The following SPMIP2 variants were observed in gnomAD, a reference collection of about 807,000 sequenced individuals.
The protein encoded by SPMIP2 is protein SPMIP2.
chr4:159,025,186 C>T, the SPMIP2 span, among the ~76,000 whole-genome samples: 2 of 152,138 alleles, frequency 1.3e-5, no homozygotes, highest in African/African-American at 4.8e-5. Flanking sequence ...CTCAAGCCCA[C>T]CCCAGTCTTG....
At chr4:159,069,777 T>C in the SPMIP2 span, among the ~76,000 whole-genome samples, 1 of 152,120 alleles carries the variant, frequency 6.6e-6, no homozygotes, top group Non-Finnish European at 1.5e-5. Context: ...TTTTTATTCC[T>C]AATGAAGCAA....
chr4:159,018,368 G>C, the SPMIP2 span, among the ~76,000 whole-genome samples: 4 of 152,262 alleles, frequency 2.6e-5, no homozygotes, highest in East Asian at 7.7e-4. Context: ...AACTATGTAG[G>C]GAAGGGAATC....
At chr4:158,898,042 A>C in the SPMIP2 span, among the ~76,000 whole-genome samples, 4 of 152,180 alleles carry the variant, frequency 2.6e-5, no homozygotes, top group Non-Finnish European at 5.9e-5. Flanking sequence ...TTCCAGTTTC[A>C]GTTTTCTGCA....
chr4:158,980,068 C>A, the SPMIP2 span, among the ~76,000 whole-genome samples: 1 of 152,266 alleles, frequency 6.6e-6, no homozygotes, highest in Non-Finnish European at 1.5e-5. Flanking sequence ...TTTCCCCTCA[C>A]AGTGTAAACA....
At chr4:158,981,798 C>A in the SPMIP2 span, among the ~76,000 whole-genome samples, 2 of 50,756 alleles carry the variant, frequency 3.9e-5, no homozygotes, top group Non-Finnish European at 3.5e-5. Context: ...ACTGCATCAA[C>A]TAATGGGCAA....
chr4:158,911,342 C>T, the SPMIP2 span, among the ~76,000 whole-genome samples: 12 of 78,448 alleles, frequency 1.5e-4, no homozygotes, highest in Admixed American at 3.8e-4. Flanking sequence ...AGCGAGACTC[C>T]GTCTCAAATA....
At chr4:158,909,187 C>T in the SPMIP2 span, among the ~76,000 whole-genome samples, 1 of 151,868 alleles carries the variant, frequency 6.6e-6, no homozygotes, top group East Asian at 1.9e-4. Flanking sequence ...GGATGATGTC[C>T]ACAGATATAT....
chr4:158,899,844 C>CT, the SPMIP2 span, among the ~76,000 whole-genome samples: 1 of 152,248 alleles, frequency 6.6e-6, no homozygotes, highest in African/African-American at 2.4e-5. Flanking sequence ...GTCTCTATCT[C>CT]GTTCAGTTCT....
the SPMIP2 span, chr4:158,906,226 A>C: frequency 1.4e-4 from 21 of 152,274 alleles, no homozygotes; most frequent in African/African-American, 4.8e-4. Flanking sequence ...TTACAGAGAG[A>C]GAAGGAACCT....
chr4:158,955,692 C>T, the SPMIP2 span, among the ~76,000 whole-genome samples: 5 of 152,200 alleles, frequency 3.3e-5, no homozygotes, highest in East Asian at 9.6e-4. Flanking sequence ...AGGTGTGAGC[C>T]ACTATGCCTG....
At chr4:159,063,710 G>C in the SPMIP2 span, among the ~76,000 whole-genome samples, 3 of 152,030 alleles carry the variant, frequency 2.0e-5, no homozygotes, top group African/African-American at 7.3e-5. Flanking sequence ...GGCCGAAAGC[G>C]TGTTAACTTT....
the SPMIP2 span, among the ~76,000 whole-genome samples, chr4:159,076,402 A>G: frequency 6.6e-6 from 1 of 152,176 alleles, no homozygotes; most frequent in African/African-American, 2.4e-5. Context: ...TTTGATTTCT[A>G]TTAGTTGAAA....
the SPMIP2 span, among the ~76,000 whole-genome samples, chr4:159,014,556 A>G: frequency 6.6e-6 from 1 of 152,118 alleles, no homozygotes; most frequent in Non-Finnish European, 1.5e-5. Context: ...ACATGTGCAC[A>G]TTGTGCAGGT....
At chr4:159,022,660 A>T in the SPMIP2 span, among the ~76,000 whole-genome samples, 7 of 152,178 alleles carry the variant, frequency 4.6e-5, no homozygotes, top group Non-Finnish European at 7.3e-5. Context: ...TCTTATGCAT[A>T]TTACATCTTG....
At chr4:159,021,051 G>A in the SPMIP2 span, among the ~76,000 whole-genome samples, 2 of 152,222 alleles carry the variant, frequency 1.3e-5, no homozygotes, top group African/African-American at 4.8e-5. Flanking sequence ...GTGAGCCACC[G>A]CACCCGGCCT....
At chr4:159,004,289 C>CTGTTTTTTTTTT in the SPMIP2 span, among the ~76,000 whole-genome samples, 1 of 78,926 alleles carries the variant, frequency 1.3e-5, no homozygotes, top group African/African-American at 4.8e-5. Context: ...ACTCTGTGCT[C>CTGTTTTTTTTTT]TTTTTTTTTT....
chr4:159,065,138 G>T, the SPMIP2 span, among the ~76,000 whole-genome samples: 1 of 152,202 alleles, frequency 6.6e-6, no homozygotes, highest in Non-Finnish European at 1.5e-5. Context: ...AAAGACCCTT[G>T]AGCAAAGATG....
At chr4:158,905,755 C>G in the SPMIP2 span, 1 of 150,380 alleles carries the variant, frequency 6.6e-6, no homozygotes, top group Non-Finnish European at 1.5e-5. Flanking sequence ...AGTTTACTGA[C>G]CGTGAAACAG....
chr4:159,060,667 A>AC, the SPMIP2 span, among the ~76,000 whole-genome samples: 1 of 152,254 alleles, frequency 6.6e-6, no homozygotes, highest in Admixed American at 6.5e-5. Flanking sequence ...GATGGAGACC[A>AC]CAGTGTCATC....
Sources: allele counts gnomAD v4.1 joint callset (sites outside exome capture counted in the v4.1 genomes callset), GRCh38; gene constraint gnomAD v4.1.1; transcripts MANE v1.5; gene names NCBI Gene and HGNC (gene_info 2026-07-23, HGNC 2026-07-21).